The following SDF2 variants were observed in gnomAD, a reference collection of about 807,000 sequenced individuals.
The protein encoded by SDF2 is stromal cell derived factor 2.
In SDF2, 12 loss-of-function variants were observed where a neutral mutation model predicts 20.5. That is an observed-to-expected ratio of 0.58 (90% CI 0.37 to 0.95). The LOEUF (loss-of-function observed/expected upper bound fraction) is 0.95, where lower values mean the gene tolerates loss of function less well. Ranked by LOEUF, SDF2 falls within the 40% of genes least tolerant of loss-of-function variation. SDF2 has a pLI of 0.01. For synonymous variants in SDF2, 100 were observed against 101.0 expected (o/e 0.99, Z 0.06); for missense variants, 238 against 263.1 (o/e 0.90, Z 0.66).
intron 1 of SDF2, among the ~76,000 whole-genome samples, chr17:28,658,452 G>GAC (rs1319913063): frequency 6.6e-6 from 1 of 152,092 alleles, no homozygotes; most frequent in Non-Finnish European, 1.5e-5. Context: ...AGGGAGTGGT[G>GAC]ATGACTCTTA....
intron 1 of SDF2, among the ~76,000 whole-genome samples, chr17:28,659,811 G>A (rs1188838328): frequency 6.6e-6 from 1 of 152,010 alleles, no homozygotes; most frequent in Non-Finnish European, 1.5e-5. Context: ...CGGCCAGGCA[G>A]AGACGCTCCT....
At chr17:28,655,578 T>C in intron 1 of SDF2, 95 bp from the exon 2 acceptor site, 2 of 1,054,768 alleles carry the variant, frequency 1.9e-6, no homozygotes, top group East Asian at 4.8e-5. Flanking sequence ...CACCTTCACC[T>C]GTAACCCACC....
At chr17:28,660,673 A>G (rs1158453608) in intron 1 of SDF2, 2 of 152,708 alleles carry the variant, frequency 1.3e-5, no homozygotes, top group Non-Finnish European at 2.9e-5. Context: ...AATGGGTGCT[A>G]GAATTATTAA....
chr17:28,658,444 G>A (rs1206529782), intron 1 of SDF2, among the ~76,000 whole-genome samples: 1 of 151,966 alleles, frequency 6.6e-6, no homozygotes, highest in African/African-American at 2.4e-5. Flanking sequence ...TTGAGATTAG[G>A]GAGTGGTGAT....
chr17:28,661,651 G>A (rs1290221229), intron 1 of SDF2, 75 bp downstream of exon 1: 6 of 1,506,624 alleles, frequency 4.0e-6, no homozygotes, highest in African/African-American at 1.4e-5. Flanking sequence ...CACACTGTCA[G>A]ATATTCTATA....
At chr17:28,654,540 T>C (rs974742805) in intron 2 of SDF2, among the ~76,000 whole-genome samples, 2 of 152,106 alleles carry the variant, frequency 1.3e-5, no homozygotes, top group African/African-American at 4.8e-5. Context: ...GCCGGCTGGG[T>C]GCAGTGGCTC....
In SDF2 at chr17:28,661,730, C is replaced by T; in HGVS notation, c.147G>A (p.Gly49=). 1.2e-6 allele frequency: 2 copies of T among 1,613,340 alleles called. No individual in the cohort carries two copies. Among genetic ancestry groups the T allele is most frequent in the Non-Finnish European group, 1.7e-6 (2 of 1,179,408 alleles). Residue 49 remains glycine (G), a synonymous_variant, in exon 1 of 3, where the codon GGG becomes GGA. Transcript: ENST00000247020. ...GAGCCCGGTCCCCAGCATTACCTGA[C>T]CCATAGCGCACGTCGTGTGAGTGCA... ...VRLHSHDVRY[G]SGSGQQSVTG...
chr17:28,650,161 AG>A (rs1459712621), intron 2 of SDF2, among the ~76,000 whole-genome samples: 2 of 151,980 alleles, frequency 1.3e-5, no homozygotes, highest in Non-Finnish European at 1.5e-5. Context: ...CATGTTGGTC[AG>A]GCTGGTTTCG....
intron 2 of SDF2, among the ~76,000 whole-genome samples, chr17:28,650,792 AG>A (rs2071907528): frequency 8.0e-6 from 1 of 124,428 alleles, no homozygotes; most frequent in Non-Finnish European, 1.6e-5. Context: ...GACAAGAGTG[AG>A]ACTTTGTCTC....
intron 2 of SDF2, among the ~76,000 whole-genome samples, chr17:28,651,329 G>C (rs1190552857): frequency 6.6e-6 from 1 of 152,202 alleles, no homozygotes; most frequent in Non-Finnish European, 1.5e-5. Flanking sequence ...GTAGTAAAGT[G>C]CTGGGAGTAC....
intron 1 of SDF2, 107 bp from the exon 2 acceptor site, chr17:28,655,590 CCAT>C: frequency 4.2e-6 from 4 of 958,194 alleles, no homozygotes; most frequent in East Asian, 2.4e-5. Flanking sequence ...TAACCCACCA[CCAT>C]GACCAAGGAA....
At chr17:28,659,441 G>A (rs542812213) in intron 1 of SDF2, among the ~76,000 whole-genome samples, 19 of 149,830 alleles carry the variant, frequency 1.3e-4, no homozygotes, top group East Asian at 6.1e-4. Flanking sequence ...CAGACAGGGC[G>A]GCCAGGTGCT....
chr17:28,655,291 T>C lies in SDF2; in HGVS notation c.344A>G (p.Asn115Ser). 2.5e-6 allele frequency: 4 copies of C among 1,614,076 alleles called. No homozygotes were observed. The highest frequency in any genetic ancestry group is 3.4e-6 in the Non-Finnish European group (4 of 1,180,032). The change falls in exon 2 of 3, where the codon AAC (asparagine) becomes AGC (serine). Residue 115 changes from asparagine to serine, a missense_variant. By Grantham distance (46) the Asn-to-Ser change is conservative (BLOSUM62 1). Transcript: ENST00000247020. ...ATCCATCGAAAGCCACCTCACCTGG[T>C]TTCCAGAAAGAGGTGAAGTGAAGTG... ...SHHFTSPLSGNQEVSAFGEEG... is the reference protein window; with the variant it reads ...SHHFTSPLSGSQEVSAFGEEG...
intron 2 of SDF2, among the ~76,000 whole-genome samples, chr17:28,654,704 C>A (rs1029505418): frequency 6.6e-6 from 1 of 152,146 alleles, no homozygotes; most frequent in Non-Finnish European, 1.5e-5. Context: ...GTAATCCCAG[C>A]ACTTTGGGAG....
In SDF2 at chr17:28,655,587, C is replaced by T; in HGVS notation, c.152-104G>A. 6 of 960,444 alleles carry T rather than the reference C, an allele frequency of 6.2e-6. No homozygotes were observed. The South Asian group carries it at 9.4e-5, about 15-fold the overall frequency. The allele number at this position is 960,444 out of a possible 1,614,324, so 59.5% of individuals were successfully genotyped here. A position where few individuals can be genotyped will look rare whatever the true frequency, so the allele number is the denominator to read the frequency against. On this transcript the variant is annotated intron_variant, in intron 1 of 2. Transcript: ENST00000247020. ...AAGATTCACCTTCACCTGTAACCCA[C>T]CACCATGACCAAGGAAGACACGCTG...
At chr17:28,654,104 A>G (rs182813905) in intron 2 of SDF2, among the ~76,000 whole-genome samples, 1 of 152,028 alleles carries the variant, frequency 6.6e-6, no homozygotes, top group East Asian at 1.9e-4. Flanking sequence ...TGAGCTCAGG[A>G]GTTTGAGACC....
At chr17:28,661,510 T>C (rs975300602) in intron 1 of SDF2, among the ~76,000 whole-genome samples, 10 of 152,220 alleles carry the variant, frequency 6.6e-5, no homozygotes, top group South Asian at 2.1e-4. Context: ...AAAAAGGACA[T>C]AGGTAACGTG....
rs2874237 is a variant in SDF2, at chr17:28,652,529, C to T, written c.348+2758G>A. 4.6e-5 allele frequency among the ~76,000 whole-genome samples: 7 copies of T among 152,126 alleles called. No individual in the cohort carries two copies. In the South Asian group the frequency reaches 8.3e-4, roughly 18 times the overall value. The stretch of plus-strand genomic sequence containing the variant: ...TTCACCATGTTAGCCAGGCTGGTCT[C>T]GAACTCCTGACCTTGTGATCCACCC... On this transcript the variant is annotated intron_variant, in intron 2 of 2. Transcript: ENST00000247020.
At chr17:28,659,540 G>A (rs2151585119) in intron 1 of SDF2, among the ~76,000 whole-genome samples, 1 of 142,600 alleles carries the variant, frequency 7.0e-6, no homozygotes, top group Non-Finnish European at 1.5e-5. Context: ...GTGGCAGCCG[G>A]GCAAAGGCAC....
Sources: gnomAD v4.1 joint callset for allele counts (sites outside exome capture counted in the v4.1 genomes callset) on GRCh38, gnomAD v4.1.1 for gene constraint, MANE v1.5 for transcripts, NCBI Gene and HGNC (gene_info 2026-07-23, HGNC 2026-07-21) for gene names.